The following RAC1 variants were observed in gnomAD, a reference collection of about 807,000 sequenced individuals.
The protein encoded by RAC1 is Rac family small GTPase 1.
Under a neutral mutation model 25.2 loss-of-function variants are expected in RAC1, and 2 were observed. The observed-to-expected ratio is 0.08, with a 90% CI of 0.03 to 0.25. The LOEUF (loss-of-function observed/expected upper bound fraction) is 0.25. RAC1 is among the 10% of genes least tolerant of loss of function. The pLI is 1.00. For synonymous variants in RAC1, 88 were observed against 94.0 expected (o/e 0.94, Z 0.37); for missense variants, 50 against 235.7 (o/e 0.21, Z 5.16).
At chr7:6,394,969 C>T (rs972325688) in intron 3 of RAC1, among the ~76,000 whole-genome samples, 1 of 152,208 alleles carries the variant, frequency 6.6e-6, no homozygotes, top group African/African-American at 2.4e-5. Context: ...ATTCTCCTGC[C>T]TCAGCCTCCC....
chr7:6,387,331 C>T (rs747887056), intron 2 of RAC1, 48 bp downstream of exon 2: 2 of 1,305,184 alleles, frequency 1.5e-6, no homozygotes, highest in Non-Finnish European at 2.2e-6. Context: ...ACGGGTTTCA[C>T]ATTTCTTTGA....
At position 6,402,602 on chromosome 7, in the gene RAC1, T is replaced by C. The variant is rs1783447469; in HGVS notation, c.*156T>C. On this transcript the variant is annotated 3_prime_UTR_variant, in exon 6 of 6. Coordinates refer to ENST00000348035, the MANE Select transcript of RAC1 (RefSeq NM_006908.5). ...ACAGATTAATTTTTCCATAAAACCA[T>C]TTTTTGAACCAATCAGTAATTTTAA... 7 of 632,112 alleles carry C rather than the reference T, an allele frequency of 1.1e-5. No homozygotes were observed. The South Asian group carries it at 3.4e-4, about 30-fold the overall frequency. 39.2% of individuals were successfully genotyped at this position (632,112 alleles called of 1,614,324 possible).
At chr7:6,375,082 A>G (rs1782543300) in intron 1 of RAC1, among the ~76,000 whole-genome samples, 1 of 152,046 alleles carries the variant, frequency 6.6e-6, no homozygotes, top group South Asian at 2.1e-4. Context: ...GCGCTCGTAG[A>G]GCAAGCGCTC....
chr7:6,390,416 A>C (rs34950525), intron 2 of RAC1, among the ~76,000 whole-genome samples: 25 of 151,954 alleles, frequency 1.6e-4, no homozygotes, highest in Middle Eastern at 3.2e-3. Context: ...CCTGATCAAC[A>C]TGGTGAAACC....
chr7:6,393,830 C>T (rs1297294434), intron 3 of RAC1, among the ~76,000 whole-genome samples: 1 of 152,188 alleles, frequency 6.6e-6, no homozygotes, highest in East Asian at 1.9e-4. Context: ...ACCCACCCAG[C>T]AGTGGAAGCA....
intron 3 of RAC1, chr7:6,398,592 A>G: frequency 7.6e-7 from 1 of 1,323,822 alleles, no homozygotes; most frequent in Non-Finnish European, 1.1e-6. Flanking sequence ...AAGAATCGAT[A>G]AGAGGTTATA....
chr7:6,401,377 C>G (rs926283169), intron 4 of RAC1, among the ~76,000 whole-genome samples: 1 of 152,184 alleles, frequency 6.6e-6, no homozygotes, highest in African/African-American at 2.4e-5. Context: ...ACTCCAGTCT[C>G]TTTCACAAAC....
intron 1 of RAC1, among the ~76,000 whole-genome samples, chr7:6,383,824 C>T (rs1404955042): frequency 1.8e-4 from 8 of 44,096 alleles, no homozygotes; most frequent in South Asian, 1.8e-3. Flanking sequence ...TTTTTTGAGA[C>T]GGAGTTTTGC....
intron 1 of RAC1, among the ~76,000 whole-genome samples, chr7:6,376,776 CCTG>C (rs1782616653): frequency 1.2e-5 from 1 of 82,794 alleles, no homozygotes; most frequent in South Asian, 4.7e-4. Context: ...CCCGCCTCGG[CCTG>C]TTTTTTTTTT....
intron 1 of RAC1, among the ~76,000 whole-genome samples, chr7:6,386,795 AAAAAAAAAAG>A (rs917721930): frequency 1.3e-4 from 19 of 151,664 alleles, no homozygotes; most frequent in South Asian, 6.2e-4. Flanking sequence ...TCTCAAAAAA[AAAAAAAAAAG>A]AAAAAAAAGA....
At chr7:6,397,026 C>G (rs1291496012) in intron 3 of RAC1, among the ~76,000 whole-genome samples, 497 of 96,178 alleles carry the variant, frequency 5.2e-3, no homozygotes, top group Middle Eastern at 0.045. Flanking sequence ...GCGAGACTCC[C>G]TCTCAAAAAC....
rs1276557612 is a variant in RAC1, at chr7:6,403,483, GTTTT to G, written c.*1041_*1044del. The G allele has an allele frequency of 9.2e-6, 2 of 218,316 alleles. No homozygotes were observed. Among genetic ancestry groups the G allele is most frequent in the Non-Finnish European group, 9.2e-6 (1 of 108,438 alleles). 13.5% of individuals were successfully genotyped at this position (218,316 alleles called of 1,614,324 possible). A position where few individuals can be genotyped will look rare whatever the true frequency, so the allele number is the denominator to read the frequency against. On this transcript the variant is annotated 3_prime_UTR_variant, in exon 6 of 6. Transcript: ENST00000348035. ...AATCTTTCTGATAATGCATTAGAAG[GTTTT>G]TTTGTCGATTAGTAAAAGTGCTTTC...
intron 1 of RAC1, among the ~76,000 whole-genome samples, chr7:6,377,303 A>G (rs1164763741): frequency 6.6e-6 from 1 of 152,024 alleles, no homozygotes; most frequent in Non-Finnish European, 1.5e-5. Context: ...ATTAGAAGTG[A>G]AATGTACCTG....
intron 2 of RAC1, among the ~76,000 whole-genome samples, chr7:6,390,256 G>T (rs930530919): frequency 1.3e-5 from 2 of 151,458 alleles, no homozygotes; most frequent in African/African-American, 2.4e-5. Context: ...ATTTGTCTTT[G>T]TACTTCATTA....
At chr7:6,385,791 C>T (rs1171240611) in intron 1 of RAC1, among the ~76,000 whole-genome samples, 2 of 152,064 alleles carry the variant, frequency 1.3e-5, no homozygotes, top group South Asian at 2.1e-4. Flanking sequence ...TGAGATTGAA[C>T]GACAAAAATC....
intron 2 of RAC1, 98 bp from the exon 3 acceptor site, chr7:6,391,826 C>G (rs3729793): frequency 0.089 from 141,206 of 1,578,822 alleles, 6,918 homozygotes; most frequent in African/African-American, 0.15. Context: ...CCTCCAGGCC[C>G]GTCCCCAGCC....
At position 6,392,270 on chromosome 7, in the gene RAC1, C is replaced by A. The variant is rs532942924; in HGVS notation, c.225+229C>A. Among the ~76,000 whole-genome samples, 8 of 152,216 alleles carry A rather than the reference C, an allele frequency of 5.3e-5. 1 individual carries two copies. The East Asian group carries it at 9.6e-4, about 18-fold the overall frequency. On this transcript the variant is annotated intron_variant, in intron 3 of 5. Transcript: ENST00000348035. ...CCATTGTTGGGCATTTTACAGTCTT[C>A]CATTTAGCTTTAGAATAACCGTATG...
At chr7:6,395,075 T>G (rs35723915) in intron 3 of RAC1, among the ~76,000 whole-genome samples, 4 of 152,096 alleles carry the variant, frequency 2.6e-5, no homozygotes, top group Admixed American at 6.6e-5. Context: ...AGGATGGTCT[T>G]GATCTCCTGA....
chr7:6,381,617 A>T (rs1782767529), intron 1 of RAC1, among the ~76,000 whole-genome samples: 1 of 151,196 alleles, frequency 6.6e-6, no homozygotes, highest in South Asian at 2.1e-4. Context: ...CTGGTCTTGA[A>T]CTCCTAAGGT....
Sources: allele counts gnomAD v4.1 joint callset (sites outside exome capture counted in the v4.1 genomes callset), GRCh38; gene constraint gnomAD v4.1.1; transcripts MANE v1.5; gene names NCBI Gene and HGNC (gene_info 2026-07-23, HGNC 2026-07-21).